Variants in FCHO2 observed in about 807,000 individuals in gnomAD.
The protein encoded by FCHO2 is F-BAR domain only protein 2.
In FCHO2, 43 loss-of-function variants were observed where a neutral mutation model predicts 114.1. The observed-to-expected ratio is 0.38, with a 90% CI of 0.30 to 0.49. FCHO2 has a LOEUF of 0.49. Ranked by LOEUF, FCHO2 falls within the 20% of genes least tolerant of loss-of-function variation. The pLI, the probability that FCHO2 is intolerant of heterozygous loss-of-function variation, is 0.97. For synonymous variants in FCHO2, 293 were observed against 315.2 expected (o/e 0.93, Z 0.75); for missense variants, 807 against 950.4 (o/e 0.85, Z 1.98).
intron 1 of FCHO2, among the ~76,000 whole-genome samples, chr5:72,958,161 A>G (rs927589450): frequency 2.6e-5 from 4 of 151,766 alleles, no homozygotes; most frequent in African/African-American, 4.8e-5. Context: ...GAAGTAACTC[A>G]TAAGTTTTTA....
chr5:73,065,525 G>A (rs1436803690), intron 18 of FCHO2, among the ~76,000 whole-genome samples: 1 of 152,004 alleles, frequency 6.6e-6, no homozygotes, highest in Admixed American at 6.6e-5. Flanking sequence ...TTTAATCAGA[G>A]TTTAGTTGCC....
intron 6 of FCHO2, among the ~76,000 whole-genome samples, chr5:73,012,790 A>G (rs1344297058): frequency 3.9e-5 from 6 of 152,152 alleles, no homozygotes; most frequent in Admixed American, 3.9e-4. Flanking sequence ...CTTAGTAGTC[A>G]CTAATTTTGA....
Position 73,077,371 on chromosome 5 carries a change from G to A in FCHO2, c.1725G>A (p.Met575Ile). 1 of 1,585,194 alleles carries A rather than the reference G, an allele frequency of 6.3e-7. No homozygotes were observed. Among genetic ancestry groups the A allele is most frequent in the Non-Finnish European group, 8.6e-7 (1 of 1,164,152 alleles). ...CIVKITGDMTMSFPSGIIKVF... is the reference protein window; with the variant it reads ...CIVKITGDMTISFPSGIIKVF... The stretch of plus-strand genomic sequence containing the variant: ...TGAAGATCACTGGTGATATGACAAT[G>A]TCATTTCCAAGTGGAATTATTAAAG... Residue 575 changes from methionine (M) to isoleucine (I), a missense_variant, in exon 21 of 26, where the codon ATG becomes ATA. Coordinates refer to ENST00000430046, the MANE Select transcript of FCHO2 (RefSeq NM_138782.3).
intron 6 of FCHO2, among the ~76,000 whole-genome samples, chr5:73,014,243 C>A (rs1005242407): frequency 1.3e-5 from 2 of 151,144 alleles, no homozygotes; most frequent in African/African-American, 2.4e-5. Flanking sequence ...TGACAGCCAT[C>A]TCTTTTGGGG....
chr5:72,975,517 T>C (rs1752815626), intron 2 of FCHO2, among the ~76,000 whole-genome samples: 1 of 152,080 alleles, frequency 6.6e-6, no homozygotes, highest in African/African-American at 2.4e-5. Flanking sequence ...CTTTTTTTTT[T>C]GAGACAGAGT....
At chr5:73,039,668 C>T (rs539389092) in intron 10 of FCHO2, among the ~76,000 whole-genome samples, 38 of 147,676 alleles carry the variant, frequency 2.6e-4, no homozygotes, top group African/African-American at 9.2e-4. Flanking sequence ...TGGCTCATGC[C>T]TGTAAACCCA....
chr5:72,958,587 C>A (rs1751685150), intron 1 of FCHO2, among the ~76,000 whole-genome samples: 1 of 152,160 alleles, frequency 6.6e-6, no homozygotes, highest in Admixed American at 6.5e-5. Flanking sequence ...GTTTGGATTA[C>A]AAATTTGTTT....
chr5:72,987,869 A>G lies in FCHO2; in HGVS notation c.126-1558A>G, dbSNP rs1053397474. ...TTGTTAGAGAGCTGGTTTTTGTGCA[A>G]ATTTGGTTGGGAAAGAGTTTGGAGA... On this transcript the variant is annotated intron_variant, in intron 2 of 25. Transcript: ENST00000430046. Among the ~76,000 whole-genome samples the G allele has an allele frequency of 3.3e-5, 5 of 152,106 alleles. No homozygotes were observed. The East Asian group carries it at 7.7e-4, about 23-fold the overall frequency.
intron 18 of FCHO2, among the ~76,000 whole-genome samples, chr5:73,064,407 T>TG (rs1395943707): frequency 6.6e-6 from 1 of 151,976 alleles, no homozygotes; most frequent in Non-Finnish European, 1.5e-5. Context: ...CATGCATGGG[T>TG]GGGAAAAGCA....
chr5:72,983,155 C>T (rs1344287215), intron 2 of FCHO2, among the ~76,000 whole-genome samples: 3 of 151,974 alleles, frequency 2.0e-5, no homozygotes, highest in Non-Finnish European at 4.4e-5. Context: ...CTCAGGTGAT[C>T]GGCCAGCCTC....
At chr5:72,960,863 A>G (rs1234201060) in intron 1 of FCHO2, among the ~76,000 whole-genome samples, 1 of 152,184 alleles carries the variant, frequency 6.6e-6, no homozygotes, top group African/African-American at 2.4e-5. Flanking sequence ...GCATTCACCC[A>G]AAGACACTAA....
chr5:72,968,677 G>C, intron 2 of FCHO2, 88 bp downstream of exon 2: 2 of 916,102 alleles, frequency 2.2e-6, no homozygotes, highest in Non-Finnish European at 3.2e-6. Context: ...ACTTTATTTG[G>C]ATTTGGAATA....
chr5:72,956,496 G>A (rs1293334132), intron 1 of FCHO2, among the ~76,000 whole-genome samples: 2 of 151,870 alleles, frequency 1.3e-5, no homozygotes, highest in African/African-American at 4.8e-5. Context: ...GGACGGGCCC[G>A]CGGCACAGCC....
chr5:73,003,420 C>A (rs926056775), intron 5 of FCHO2, among the ~76,000 whole-genome samples: 57 of 152,174 alleles, frequency 3.7e-4, no homozygotes, highest in African/African-American at 1.3e-3. Context: ...CAAGTGATTC[C>A]TCCTGCCTTG....
chr5:73,058,592 C>G, intron 17 of FCHO2, 68 bp downstream of exon 17: 1 of 687,860 alleles, frequency 1.5e-6, no homozygotes, highest in Non-Finnish European at 2.2e-6. Flanking sequence ...TTCTCATTCA[C>G]TTTTTGTGCA....
chr5:72,964,122 T>C (rs1752047179), intron 1 of FCHO2, among the ~76,000 whole-genome samples: 1 of 151,992 alleles, frequency 6.6e-6, no homozygotes, highest in African/African-American at 2.4e-5. Flanking sequence ...ACGCAAAATA[T>C]ATAAAAATTA....
At chr5:73,054,233 T>C in intron 14 of FCHO2, 62 bp downstream of exon 14, 2 of 1,331,924 alleles carry the variant, frequency 1.5e-6, no homozygotes, top group Non-Finnish European at 2.0e-6. Flanking sequence ...TTTTGGAAGA[T>C]TGACTTTCAA....
chr5:72,996,243 C>A (rs866064630), intron 5 of FCHO2, among the ~76,000 whole-genome samples: 179 of 110,802 alleles, frequency 1.6e-3, no homozygotes, highest in Middle Eastern at 5.1e-3. Context: ...AACTCTGTCT[C>A]AAAAAAAAAA....
chr5:73,077,801 G>C (rs1335667854), intron 21 of FCHO2, among the ~76,000 whole-genome samples: 1 of 152,170 alleles, frequency 6.6e-6, no homozygotes, highest in Admixed American at 6.5e-5. Flanking sequence ...AGTGAGCCAA[G>C]ATCGTGTCAC....
Sources: allele counts gnomAD v4.1 joint callset (sites outside exome capture counted in the v4.1 genomes callset), GRCh38; gene constraint gnomAD v4.1.1; transcripts MANE v1.5; gene names NCBI Gene and HGNC (gene_info 2026-07-23, HGNC 2026-07-21).